BDP1: variants seen among roughly 807,000 people sequenced by gnomAD.
BDP1 encodes the protein BDP1 general transcription factor IIIB subunit.
Under a neutral mutation model 266.6 loss-of-function variants are expected in BDP1, and 169 were observed. That is an observed-to-expected ratio of 0.63 (90% CI 0.56 to 0.72). The LOEUF (loss-of-function observed/expected upper bound fraction) is 0.72, where lower values mean the gene tolerates loss of function less well. Among genes scored for constraint, BDP1 ranks in the 30% least tolerant of loss-of-function variants. The pLI, the probability that BDP1 is intolerant of heterozygous loss-of-function variation, is 0.00. For missense variants in BDP1, 3,015 were observed against 3,053.8 expected, an observed-to-expected ratio of 0.99 and a Z score of 0.30; for synonymous variants, 1,090 against 1,022.4, an observed-to-expected ratio of 1.07 and a Z score of -1.26.
In BDP1 at chr5:71,538,704, G is replaced by A. The variant is rs549789338; in HGVS notation, c.5893-338G>A. Among the ~76,000 whole-genome samples, 14 of 152,082 alleles carry A rather than the reference G, an allele frequency of 9.2e-5. No individual in the cohort carries two copies. The South Asian group carries it at 2.9e-3, about 32-fold the overall frequency. ...ACCCTTTAGGCCTTGGTTTCCATTG[G>A]GTAAAAATTGGCAGCAGATATGACT... On this transcript the variant is annotated intron_variant, in intron 26 of 38. Transcript: ENST00000358731.
At chr5:71,488,577 T>C (rs1763407101) in intron 9 of BDP1, among the ~76,000 whole-genome samples, 3 of 151,864 alleles carry the variant, frequency 2.0e-5, no homozygotes, top group Admixed American at 2.0e-4. Flanking sequence ...TACAGGCAAG[T>C]ACCACCACAC....
Position 71,512,422 on chromosome 5 carries a change from A to T in BDP1, c.4241A>T (p.Asn1414Ile). The change falls in exon 18 of 39, where the codon AAT becomes ATT. Residue 1414 changes from asparagine (N) to isoleucine (I), a missense_variant. By Grantham distance (149) the Asn-to-Ile change is moderately radical. Around this residue, in one of 3 missense-constraint regions of BDP1, gnomAD observed 2,383 missense variants for 2,404.9 expected, o/e 0.99. Transcript: ENST00000358731. ...PDVPEQFSDI[N>I]LSKSLPQEQK... ...GTTCCAGAGCAGTTTTCAGATATTA[A>T]TTTAAGGTACAAGTGTGTTTTTAAA... 6.5e-7 allele frequency: 1 copy of T among 1,533,978 alleles called. No homozygotes were observed. Among genetic ancestry groups the T allele is most frequent in the Non-Finnish European group, 8.7e-7 (1 of 1,148,226 alleles).
At chr5:71,463,278 G>A in intron 3 of BDP1, among the ~76,000 whole-genome samples, 1 of 152,150 alleles carries the variant, frequency 6.6e-6, no homozygotes, top group Non-Finnish European at 1.5e-5. Context: ...TTAGCCTGGG[G>A]TTTCTGAGGC....
the BDP1 span, among the ~76,000 whole-genome samples, chr5:71,573,237 A>G: frequency 9.1e-5 from 12 of 131,754 alleles, no homozygotes; most frequent in East Asian, 2.1e-4. Flanking sequence ...CAAAAAAAAA[A>G]AAAAGAAAGA....
intron 38 of BDP1, among the ~76,000 whole-genome samples, chr5:71,563,453 T>C (rs1300251803): frequency 6.6e-6 from 1 of 152,204 alleles, no homozygotes; most frequent in East Asian, 1.9e-4. Flanking sequence ...GTTCTTATTA[T>C]ATTCAGGGAA....
At chr5:71,571,843 A>G (rs188763095), downstream of BDP1, among the ~76,000 whole-genome samples, 9 of 152,176 alleles carry the variant, frequency 5.9e-5, no homozygotes, top group African/African-American at 2.2e-4. Context: ...GTTGGTCTCG[A>G]ACTCCTGACC....
At chr5:71,529,545 G>A (rs1311409352) in intron 25 of BDP1, among the ~76,000 whole-genome samples, 5 of 152,158 alleles carry the variant, frequency 3.3e-5, no homozygotes, top group Admixed American at 1.3e-4. Context: ...CAATAAATTA[G>A]CAAGGTGTGT....
intron 37 of BDP1, among the ~76,000 whole-genome samples, chr5:71,561,015 G>A (rs1293077912): frequency 6.6e-6 from 1 of 152,188 alleles, no homozygotes; most frequent in Non-Finnish European, 1.5e-5. Flanking sequence ...GGAGGCTGAG[G>A]CCGGAGTTTG....
chr5:71,563,124 CA>C (rs1743796788), intron 38 of BDP1, among the ~76,000 whole-genome samples: 1 of 152,062 alleles, frequency 6.6e-6, no homozygotes, highest in South Asian at 2.1e-4. Context: ...TTATCATTGC[CA>C]AAGTCGTGGG....
intron 12 of BDP1, 105 bp downstream of exon 12, chr5:71,495,513 C>A (rs1437922045): frequency 3.2e-6 from 2 of 634,648 alleles, no homozygotes; most frequent in Non-Finnish European, 5.0e-6. Flanking sequence ...TTAATACATA[C>A]TTTATTAATA....
At chr5:71,563,108 T>C (rs1481929477) in intron 38 of BDP1, among the ~76,000 whole-genome samples, 1 of 152,164 alleles carries the variant, frequency 6.6e-6, no homozygotes, top group Non-Finnish European at 1.5e-5. Context: ...AAGATATCAG[T>C]CTAGCTTATC....
chr5:71,501,673 T>TAAAAAAAA lies in BDP1; in HGVS notation c.2048+33_2048+40dup. On this transcript the variant is annotated intron_variant, in intron 14 of 38. Coordinates refer to ENST00000358731, the MANE Select transcript of BDP1 (RefSeq NM_018429.3). ...ATCTGTGTGAGTATTCAGGAAGTAG[T>TAAAAAAAA]AAAAAAAAAAAAAAAAAAAAGTAAC... 2 of 544,678 alleles carry TAAAAAAAA rather than the reference T, an allele frequency of 3.7e-6. No homozygotes were observed. Among genetic ancestry groups the TAAAAAAAA allele is most frequent in the Non-Finnish European group, 6.0e-6 (2 of 335,092 alleles). 33.7% of individuals were successfully genotyped at this position (544,678 alleles called of 1,614,324 possible).
intron 13 of BDP1, among the ~76,000 whole-genome samples, chr5:71,501,245 G>A (rs1764213416): frequency 6.6e-6 from 1 of 152,006 alleles, no homozygotes; most frequent in Non-Finnish European, 1.5e-5. Flanking sequence ...GTGTGACCTC[G>A]GCTCACTGCA....
chr5:71,521,777 A>G (rs1455611365), intron 22 of BDP1, among the ~76,000 whole-genome samples: 1 of 152,224 alleles, frequency 6.6e-6, no homozygotes, highest in African/African-American at 2.4e-5. Flanking sequence ...ATTGGTTGTC[A>G]GTAAACCCTT....
In BDP1 at chr5:71,512,320, A is replaced by C; in HGVS notation, c.4139A>C (p.His1380Pro). Residue 1380 changes from histidine (H) to proline (P), a missense_variant, in exon 18 of 39, where the codon CAC becomes CCC. His to Pro is a moderately conservative substitution (Grantham distance 77). Coordinates refer to ENST00000358731, the MANE Select transcript of BDP1 (RefSeq NM_018429.3). ...AATTCTGAAAAAGAAGTATCAAGTCACTTCAGTCATTTCAAGATTTCTTCA... is the reference window on the plus strand; with the variant it reads ...AATTCTGAAAAAGAAGTATCAAGTCCCTTCAGTCATTTCAAGATTTCTTCA... ...KRNSEKEVSS[H>P]FSHFKISSQT... 6.2e-7 allele frequency: 1 copy of C among 1,601,374 alleles called. No homozygotes were observed. Among genetic ancestry groups the C allele is most frequent in the Non-Finnish European group, 8.5e-7 (1 of 1,176,336 alleles).
Position 71,544,434 on chromosome 5 carries a change from G to T in BDP1, c.6490G>T (p.Asp2164Tyr). ...LGPVTTAENK[D>Y]QSKLACVHGI... ...ACCAGTTACAACAGCAGAGAATAAG[G>T]ATCAGAGCAAATTGGCATGTGTACA... The change falls in exon 31 of 39, where the codon GAT becomes TAT. Residue 2164 changes from aspartate (D) to tyrosine (Y), a missense_variant. By Grantham distance (160) the Asp-to-Tyr change is radical. This residue lies in a region of BDP1 where 629 missense variants were observed against 632.5 expected (regional missense o/e 0.99). Transcript: ENST00000358731. 7 of 1,614,078 alleles carry T rather than the reference G, an allele frequency of 4.3e-6. No individual in the cohort carries two copies. Among genetic ancestry groups the T allele is most frequent in the Non-Finnish European group, 5.9e-6 (7 of 1,179,974 alleles).
intron 7 of BDP1, among the ~76,000 whole-genome samples, chr5:71,483,287 G>A (rs530467779): frequency 2.0e-5 from 3 of 152,216 alleles, no homozygotes; most frequent in South Asian, 4.2e-4. Flanking sequence ...TGAGCCTTAA[G>A]CCTTAAACAT....
chr5:71,483,971 T>TA, intron 8 of BDP1, 75 bp downstream of exon 8: 1 of 1,201,106 alleles, frequency 8.3e-7, no homozygotes, highest in Non-Finnish European at 1.2e-6. Flanking sequence ...TCTTTGGCTT[T>TA]AGTGTGTTTT....
chr5:71,499,924 A>T (rs1240987606), intron 13 of BDP1, among the ~76,000 whole-genome samples: 1 of 151,964 alleles, frequency 6.6e-6, no homozygotes, highest in African/African-American at 2.4e-5. Flanking sequence ...CTTGTTATGC[A>T]TTGTCTTTTG....
Sources: gnomAD v4.1 joint callset for allele counts (sites outside exome capture counted in the v4.1 genomes callset) on GRCh38, gnomAD v4.1.1 for gene constraint, gnomAD v4.1.1 regional missense constraint, MANE v1.5 for transcripts, NCBI Gene and HGNC (gene_info 2026-07-23, HGNC 2026-07-21) for gene names.